SLC7A11: variants seen among roughly 807,000 people sequenced by gnomAD.
SLC7A11 encodes the protein solute carrier family 7 member 11.
SLC7A11 carries 35 observed loss-of-function variants against 54.5 expected under a neutral mutation model. The observed-to-expected ratio is 0.64, with a 90% CI of 0.49 to 0.85. SLC7A11 has a LOEUF of 0.85. Among genes scored for constraint, SLC7A11 ranks in the 40% least tolerant of loss-of-function variants. The probability of loss-of-function intolerance (pLI) is 0.00; values close to 1 mark genes in which losing one functional copy is unlikely to be tolerated. For synonymous variants in SLC7A11, 230 were observed against 225.2 expected (o/e 1.02, Z -0.19); for missense variants, 583 against 618.1 (o/e 0.94, Z 0.60).
intron 6 of SLC7A11, among the ~76,000 whole-genome samples, chr4:138,207,871 C>T (rs182651559): frequency 8.4e-4 from 128 of 152,132 alleles, no homozygotes; most frequent in Non-Finnish European, 1.3e-3. Flanking sequence ...ACTCAGGTAA[C>T]GGTTATAAAA....
At chr4:138,220,843 C>T (rs1737793553) in intron 4 of SLC7A11, among the ~76,000 whole-genome samples, 1 of 152,120 alleles carries the variant, frequency 6.6e-6, no homozygotes. Context: ...GCATTCATTG[C>T]CCAGGCATAA....
intron 6 of SLC7A11, among the ~76,000 whole-genome samples, chr4:138,212,895 G>A (rs1183766108): frequency 1.3e-5 from 2 of 151,888 alleles, no homozygotes; most frequent in African/African-American, 4.8e-5. Flanking sequence ...ATATTCTCAT[G>A]TTAAATTCTA....
chr4:138,219,876 A>G (rs1427888705), intron 4 of SLC7A11, among the ~76,000 whole-genome samples: 1 of 150,462 alleles, frequency 6.6e-6, no homozygotes, highest in African/African-American at 2.4e-5. Flanking sequence ...TTAGATGCCT[A>G]CCTCCTAGAA....
chr4:138,219,444 C>T (rs148294913), intron 4 of SLC7A11, 79 bp from the exon 5 acceptor site: 243 of 782,660 alleles, frequency 3.1e-4, no homozygotes, highest in African/African-American at 3.0e-3. Context: ...CATGGGGGTG[C>T]GGAGAAACAT....
intron 1 of SLC7A11, among the ~76,000 whole-genome samples, chr4:138,238,151 C>G (rs1170734142): frequency 6.6e-6 from 1 of 152,032 alleles, no homozygotes; most frequent in African/African-American, 2.4e-5. Context: ...CGATACAATT[C>G]ACATAAAATT....
chr4:138,185,947 G>A (rs1210805207), intron 6 of SLC7A11, among the ~76,000 whole-genome samples: 1 of 152,116 alleles, frequency 6.6e-6, no homozygotes, highest in Non-Finnish European at 1.5e-5. Flanking sequence ...GGAAGCTCAA[G>A]ATCGTGAGTA....
intron 1 of SLC7A11, among the ~76,000 whole-genome samples, chr4:138,237,986 C>G (rs1738281200): frequency 6.6e-6 from 1 of 151,272 alleles, no homozygotes; most frequent in Non-Finnish European, 1.5e-5. Context: ...CTCCCGACCT[C>G]AGGTGATCTG....
At chr4:138,202,896 C>T (rs566776899) in intron 6 of SLC7A11, among the ~76,000 whole-genome samples, 2 of 152,256 alleles carry the variant, frequency 1.3e-5, no homozygotes, top group South Asian at 4.1e-4. Flanking sequence ...TGTCCCCAGG[C>T]TGACTCATAT....
chr4:138,195,194 G>T (rs1737101589), intron 6 of SLC7A11, among the ~76,000 whole-genome samples: 1 of 152,148 alleles, frequency 6.6e-6, no homozygotes, highest in Non-Finnish European at 1.5e-5. Context: ...TTCTAAAAAG[G>T]CTGTCTGTGG....
At chr4:138,206,251 T>C (rs1737402556) in intron 6 of SLC7A11, among the ~76,000 whole-genome samples, 1 of 151,236 alleles carries the variant, frequency 6.6e-6, no homozygotes, top group South Asian at 2.1e-4. Flanking sequence ...TCTCTCCCTC[T>C]CCCTCTCTCT....
chr4:138,224,815 A>AAAGGAAGG (rs138629758), intron 3 of SLC7A11, among the ~76,000 whole-genome samples: 1,951 of 135,920 alleles, frequency 0.014, 39 homozygotes, highest in African/African-American at 0.042. Flanking sequence ...AGGAAGGATG[A>AAAGGAAGG]AAGGAAGGAA....
In SLC7A11 at chr4:138,185,178, C is replaced by G. The variant is rs1231105345; in HGVS notation, c.858G>C (p.Val286=). 8 of 1,612,816 alleles carry G rather than the reference C, an allele frequency of 5.0e-6. 1 individual carries two copies. Among genetic ancestry groups the G allele is most frequent in the Non-Finnish European group, 6.8e-6 (8 of 1,179,260 alleles). Residue 286 remains valine (V), a synonymous_variant, in exon 7 of 12, where the codon GTG becomes GTC. Coordinates refer to ENST00000280612, the MANE Select transcript of SLC7A11 (RefSeq NM_014331.4). ...IVTIGYVLTN[V]AYFTTINAEE... ...CAGCATTAATGGTCGTAAAGTAGGC[C>G]ACATTTGTCAGCACATAGCCAATGG... is the stretch of plus-strand genomic sequence containing the variant.
chr4:138,226,752 C>T (rs1303549340), intron 3 of SLC7A11, among the ~76,000 whole-genome samples: 2 of 152,162 alleles, frequency 1.3e-5, no homozygotes, highest in East Asian at 1.9e-4. Flanking sequence ...AAAAATACTA[C>T]CTTACCCACA....
At position 138,223,141 on chromosome 4, in the gene SLC7A11, T is replaced by A. The variant is rs555664043; in HGVS notation, c.646+58A>T. 4.6e-6 allele frequency: 7 copies of A among 1,534,218 alleles called. No homozygotes were observed. In the African/African-American group the frequency reaches 9.6e-5, roughly 21 times the overall value. ...CTGTTAGTACAAGCAAAAGTTAGTG[T>A]TAAAAAAGACCAAAAGCAGATACGT... is the stretch of plus-strand genomic sequence containing the variant. On this transcript the variant is annotated intron_variant, in intron 4 of 11. Coordinates refer to ENST00000280612, the MANE Select transcript of SLC7A11 (RefSeq NM_014331.4).
intron 4 of SLC7A11, among the ~76,000 whole-genome samples, chr4:138,219,590 C>A (rs992093464): frequency 6.6e-6 from 1 of 152,002 alleles, no homozygotes; most frequent in African/African-American, 2.4e-5. Flanking sequence ...AAATTTATAA[C>A]AAAGATGAAA....
At position 138,242,270 on chromosome 4, in the gene SLC7A11, T is replaced by C. The variant is rs995257591; in HGVS notation, c.-201A>G. The C allele has an allele frequency of 1.6e-6, 1 of 610,610 alleles. No individual in the cohort carries two copies. Among genetic ancestry groups the C allele is most frequent in the Admixed American group, 3.0e-5 (1 of 33,724 alleles). The allele number at this position is 610,610 out of a possible 1,614,324, so 37.8% of individuals were successfully genotyped here. A position where few individuals can be genotyped will look rare whatever the true frequency, so the allele number is the denominator to read the frequency against. ...ATTACTACTCAGAAACACCTGTGTA[T>C]GCATCGTGCTCTCAATTCTCCACCT... On this transcript the variant is annotated 5_prime_UTR_variant, in exon 1 of 12. Transcript: ENST00000280612.
At chr4:138,216,619 C>T (rs190636689) in intron 5 of SLC7A11, among the ~76,000 whole-genome samples, 2 of 152,150 alleles carry the variant, frequency 1.3e-5, no homozygotes, top group African/African-American at 4.8e-5. Context: ...CAGCATTCCT[C>T]AGAGACAAAA....
chr4:138,211,267 G>T (rs1465983639), intron 6 of SLC7A11, among the ~76,000 whole-genome samples: 1 of 151,806 alleles, frequency 6.6e-6, no homozygotes, highest in African/African-American at 2.4e-5. Context: ...TGGGGCAAAA[G>T]CTGAAAAACT....
At chr4:138,237,056 G>A (rs918564773) in intron 1 of SLC7A11, among the ~76,000 whole-genome samples, 107 of 148,010 alleles carry the variant, frequency 7.2e-4, no homozygotes, top group African/African-American at 2.5e-3. Flanking sequence ...CGCGATCTCG[G>A]CTCACTGCAA....
Sources: allele counts gnomAD v4.1 joint callset (sites outside exome capture counted in the v4.1 genomes callset), GRCh38; gene constraint gnomAD v4.1.1; transcripts MANE v1.5; gene names NCBI Gene and HGNC (gene_info 2026-07-23, HGNC 2026-07-21).